The following PECAM1 variants were observed in gnomAD, a reference collection of about 807,000 sequenced individuals.
PECAM1 encodes platelet and endothelial cell adhesion molecule 1.
A neutral mutation model predicts 13.8 loss-of-function variants in PECAM1; 8 were observed. That is an observed-to-expected ratio of 0.58 (90% CI 0.34 to 1.05). The LOEUF is 1.05. Among genes scored for constraint, PECAM1 ranks in the 50% least tolerant of loss-of-function variants. The pLI is 0.03. For missense variants in PECAM1, 304 were observed against 141.2 expected, an observed-to-expected ratio of 2.15 and a Z score of -5.84; for synonymous variants, 136 against 52.6, an observed-to-expected ratio of 2.58 and a Z score of -6.86.
At position 64,369,287 on chromosome 17, in the gene PECAM1, T is replaced by C. The variant is rs928105833; in HGVS notation, c.967+463A>G. ...TGCTTTCTCATTTGTGGCCCTGTCA[T>C]AGGACCCACGTCTGGGATCTAGCAT... On this transcript the variant is annotated intron_variant, in intron 5 of 15. Coordinates refer to ENST00000563924, the MANE Select transcript of PECAM1 (RefSeq NM_000442.5). Among the ~76,000 whole-genome samples the C allele has an allele frequency of 4.5e-3, 687 of 152,242 alleles. 5 individuals carry two copies. Among genetic ancestry groups the C allele is most frequent in the Non-Finnish European group, 7.8e-3 (533 of 68,010 alleles).
rs1291117085 is a variant in PECAM1, at chr17:64,322,254, C to T, written c.*1562G>A. The T allele has an allele frequency of 2.6e-6, 1 of 379,208 alleles. No individual in the cohort carries two copies. Among genetic ancestry groups the T allele is most frequent in the Non-Finnish European group, 3.6e-6 (1 of 274,484 alleles). 23.5% of individuals were successfully genotyped at this position (379,208 alleles called of 1,614,324 possible). A position where few individuals can be genotyped will look rare whatever the true frequency, so the allele number is the denominator to read the frequency against. On this transcript the variant is annotated 3_prime_UTR_variant, in exon 16 of 16. Transcript: ENST00000563924. ...TACAAAAATTAGCCAGGCGTGGTGA[C>T]ATGTGCCTGTAATCCCAGCTACTCG...
intron 3 of PECAM1, among the ~76,000 whole-genome samples, chr17:64,376,363 A>G (rs2036359174): frequency 6.6e-6 from 1 of 152,104 alleles, no homozygotes; most frequent in Non-Finnish European, 1.5e-5. Flanking sequence ...AATATGGTCA[A>G]GATGTACTTG....
chr17:64,356,455 T>G, intron 7 of PECAM1, 57 bp from the exon 8 acceptor site: 1 of 423,314 alleles, frequency 2.4e-6, no homozygotes, highest in Non-Finnish European at 4.3e-6. Flanking sequence ...AAGAGGAACA[T>G]GAGACAGCCA....
At chr17:64,388,070 G>A (rs2036636924) in intron 2 of PECAM1, among the ~76,000 whole-genome samples, 1 of 115,066 alleles carries the variant, frequency 8.7e-6, no homozygotes, top group African/African-American at 2.6e-5. Flanking sequence ...TGAGGAGGCA[G>A]TGGGAGAGTC....
chr17:64,368,437 C>G (rs893940174), intron 5 of PECAM1, among the ~76,000 whole-genome samples: 6 of 152,080 alleles, frequency 3.9e-5, no homozygotes, highest in East Asian at 1.9e-4. Context: ...TGTTCTACCC[C>G]CTTGGTAACC....
At chr17:64,347,785 C>T (rs1331002879) in intron 13 of PECAM1, among the ~76,000 whole-genome samples, 1 of 148,348 alleles carries the variant, frequency 6.7e-6, no homozygotes, top group Non-Finnish European at 1.5e-5. Flanking sequence ...GGCTGGAATG[C>T]AGTGGCGCAA....
intron 2 of PECAM1, among the ~76,000 whole-genome samples, chr17:64,387,351 G>T (rs2036617745): frequency 6.6e-6 from 1 of 151,884 alleles, no homozygotes; most frequent in African/African-American, 2.4e-5. Flanking sequence ...GGTAGGCACA[G>T]ATTATAAACT....
At position 64,321,397 on chromosome 17, in the gene PECAM1, AAG is replaced by A; in HGVS notation, c.*2417_*2418del. ...CTTTTAGCCATTAAATCCACTAAGA[AAG>A]ATCCCTGCGCATGAAGTTTCCTCCT... On this transcript the variant is annotated 3_prime_UTR_variant, in exon 16 of 16. Coordinates refer to ENST00000563924, the MANE Select transcript of PECAM1 (RefSeq NM_000442.5). The A allele has an allele frequency of 1.0e-6, 1 of 982,334 alleles. No homozygotes were observed. Among genetic ancestry groups the A allele is most frequent in the Non-Finnish European group, 1.2e-6 (1 of 826,822 alleles). The allele number at this position is 982,334 out of a possible 1,614,324, so 60.9% of individuals were successfully genotyped here.
rs925085989 is a variant in PECAM1 at position 64,390,006 on chromosome 17, C to T, written c.91+483G>A. ...GAGTTTGCAGAGAGCCGGGATTGCA[C>T]CACTGCACTCCAGCCTGGGTAACAG... On this transcript the variant is annotated intron_variant, in intron 2 of 15. Coordinates refer to ENST00000563924, the MANE Select transcript of PECAM1 (RefSeq NM_000442.5). Among the ~76,000 whole-genome samples the T allele has an allele frequency of 2.2e-4, 34 of 151,824 alleles. No individual in the cohort carries two copies. The South Asian group carries it at 6.9e-3, about 31-fold the overall frequency.
intron 14 of PECAM1, among the ~76,000 whole-genome samples, chr17:64,330,084 C>T (rs367566276): frequency 2.0e-5 from 3 of 152,016 alleles, no homozygotes; most frequent in African/African-American, 7.2e-5. Flanking sequence ...GGCACTATCT[C>T]GGCTCACTGC....
chr17:64,382,010 G>C (rs1483703958), intron 2 of PECAM1, among the ~76,000 whole-genome samples: 1 of 152,162 alleles, frequency 6.6e-6, no homozygotes, highest in Non-Finnish European at 1.5e-5. Flanking sequence ...TGAGGCAGGA[G>C]AACTGCTTGA....
chr17:64,374,730 G>A (rs1199135038), intron 4 of PECAM1, among the ~76,000 whole-genome samples: 4 of 151,806 alleles, frequency 2.6e-5, no homozygotes, highest in Admixed American at 6.6e-5. Flanking sequence ...GCTGCACTGA[G>A]CCAAGATTGC....
At position 64,364,636 on chromosome 17, in the gene PECAM1, C is replaced by T. The variant is rs1241132812; in HGVS notation, c.968-1239G>A. Among the ~76,000 whole-genome samples the T allele has an allele frequency of 4.2e-3, 615 of 147,262 alleles. 6 individuals carry two copies. The highest frequency in any genetic ancestry group is 0.014 in the African/African-American group (556 of 40,770). ...AGCTTATCCACCATGATCAAGTGGG[C>T]TTCATCCCTGGGATGCAAGGCTGGT... On this transcript the variant is annotated intron_variant, in intron 5 of 15. Coordinates refer to ENST00000563924, the MANE Select transcript of PECAM1 (RefSeq NM_000442.5).
At chr17:64,388,483 G>A (rs2036648156) in intron 2 of PECAM1, among the ~76,000 whole-genome samples, 1 of 152,038 alleles carries the variant, frequency 6.6e-6, no homozygotes, top group Non-Finnish European at 1.5e-5. Context: ...TCATGCCCAC[G>A]AAGTTCTCTT....
chr17:64,382,625 C>T (rs2036505239), intron 2 of PECAM1, among the ~76,000 whole-genome samples: 1 of 152,122 alleles, frequency 6.6e-6, no homozygotes, highest in South Asian at 2.1e-4. Flanking sequence ...AGCAATCATC[C>T]CGCCTCAGCC....
Position 64,322,808 on chromosome 17 carries a change from T to G in PECAM1, c.*1008A>C, listed in dbSNP as rs1288693707. On this transcript the variant is annotated 3_prime_UTR_variant, in exon 16 of 16. Coordinates refer to ENST00000563924, the MANE Select transcript of PECAM1 (RefSeq NM_000442.5). ...TCCGCTCACTACAACCTCCGTTTCC[T>G]GGGTTCAAGCGATAATCTCACCTCA... is the stretch of plus-strand genomic sequence containing the variant. The G allele has an allele frequency of 1.1e-5, 6 of 529,700 alleles. No individual in the cohort carries two copies. The African/African-American group carries it at 1.2e-4, about 11-fold the overall frequency. The allele number at this position is 529,700 out of a possible 1,614,324, so 32.8% of individuals were successfully genotyped here.
intron 14 of PECAM1, among the ~76,000 whole-genome samples, chr17:64,340,599 G>T (rs2035401175): frequency 6.6e-6 from 1 of 152,108 alleles, no homozygotes; most frequent in African/African-American, 2.4e-5. Context: ...ATTGAATACA[G>T]TTATTATACC....
rs2035667969 is a variant in PECAM1 at position 64,349,656 on chromosome 17, G to A, written c.2044+724C>T. Among the ~76,000 whole-genome samples, 13 of 149,924 alleles carry A rather than the reference G, an allele frequency of 8.7e-5. No homozygotes were observed. The South Asian group carries it at 2.5e-3, about 29-fold the overall frequency. The stretch of plus-strand genomic sequence containing the variant: ...AATTCTAGCATTTTGGGAGGCCAAG[G>A]TGGGCAGATAACAAGGTCAGGAGTT... On this transcript the variant is annotated intron_variant, in intron 12 of 15. Coordinates refer to ENST00000563924, the MANE Select transcript of PECAM1 (RefSeq NM_000442.5).
intron 14 of PECAM1, among the ~76,000 whole-genome samples, chr17:64,337,379 A>G (rs1457582258): frequency 6.6e-6 from 1 of 152,176 alleles, no homozygotes; most frequent in Admixed American, 6.5e-5. Flanking sequence ...ACTGAACTCT[A>G]TAGGGCTCAA....
Sources: gnomAD v4.1 joint callset for allele counts (sites outside exome capture counted in the v4.1 genomes callset) on GRCh38, gnomAD v4.1.1 for gene constraint, MANE v1.5 for transcripts, NCBI Gene and HGNC (gene_info 2026-07-23, HGNC 2026-07-21) for gene names.